PARP4: variants seen among roughly 807,000 people sequenced by gnomAD.
PARP4 encodes the protein poly(ADP-ribose) polymerase family member 4, also known as protein mono-ADP-ribosyltransferase PARP4.
A neutral mutation model predicts 187.7 loss-of-function variants in PARP4; 120 were observed. The observed-to-expected ratio is 0.64, with a 90% CI of 0.55 to 0.74. The LOEUF is 0.74. Among genes scored for constraint, PARP4 ranks in the 30% least tolerant of loss-of-function variants. PARP4 has a pLI of 0.00. For synonymous variants in PARP4, 654 were observed against 740.9 expected (o/e 0.88, Z 1.90); for missense variants, 1,836 against 2,070.5 (o/e 0.89, Z 2.20).
intron 3 of PARP4, 87 bp from the exon 4 acceptor site, chr13:24,500,469 C>A: frequency 2.5e-6 from 2 of 787,158 alleles, no homozygotes; most frequent in Non-Finnish European, 4.2e-6. Flanking sequence ...TGTTAAGATT[C>A]ATAAATATAT....
At chr13:24,511,287 C>T (rs1870008303) in intron 1 of PARP4, among the ~76,000 whole-genome samples, 1 of 152,130 alleles carries the variant, frequency 6.6e-6, no homozygotes, top group South Asian at 2.1e-4. Context: ...ACATGCGCCA[C>T]TAGTTCTTCC....
At chr13:24,442,713 T>C (rs1414678422) in intron 28 of PARP4, 28 bp from the exon 29 acceptor site, 2 of 1,248,904 alleles carry the variant, frequency 1.6e-6, no homozygotes, top group East Asian at 4.6e-5. Flanking sequence ...ATAAATCATG[T>C]CCTGTTTTAT....
rs1233823030 is a variant in PARP4 at position 24,455,614 on chromosome 13, CT to C, written c.2563-403del. Among the ~76,000 whole-genome samples, 812 of 116,284 alleles carry C rather than the reference CT, an allele frequency of 7.0e-3. 3 individuals are homozygous for C. The highest frequency in any genetic ancestry group is 0.02 in the African/African-American group (623 of 30,508). The allele number at this position is 116,284 out of a possible 152,430, so 76.3% of individuals were successfully genotyped here. A position where few individuals can be genotyped will look rare whatever the true frequency, so the allele number is the denominator to read the frequency against. On this transcript the variant is annotated intron_variant, in intron 21 of 33. Transcript: ENST00000381989. Reference sequence around the variant, plus strand: ...ATTTAACTACTATCATGTAAGTTTCCTTTTTTTTTTTTTTTTTTTTTGAGAC... The same window carrying C: ...ATTTAACTACTATCATGTAAGTTTCCTTTTTTTTTTTTTTTTTTTTGAGAC...
At chr13:24,512,494 C>T (rs1409658951) in intron 1 of PARP4, among the ~76,000 whole-genome samples, 2 of 152,180 alleles carry the variant, frequency 1.3e-5, no homozygotes, top group Admixed American at 6.5e-5. Flanking sequence ...GGCTGCGCCG[C>T]GGGGCAGAGC....
chr13:24,452,179 C>T (rs1414776806), intron 24 of PARP4: 2 of 444,642 alleles, frequency 4.5e-6, no homozygotes, highest in African/African-American at 2.0e-5. Flanking sequence ...CTTGGTTTTA[C>T]AGATGAGAGG....
intron 1 of PARP4, among the ~76,000 whole-genome samples, chr13:24,509,098 A>AT (rs538324193): frequency 3.2e-4 from 49 of 152,314 alleles, no homozygotes; most frequent in Admixed American, 5.9e-4. Context: ...AGTTTGAACA[A>AT]TTTTTTTGTG....
In PARP4 at chr13:24,494,580, A is replaced by C. The variant is rs374203108; in HGVS notation, c.734T>G (p.Leu245Trp). Residue 245 changes from leucine to tryptophan, a missense_variant, in exon 7 of 34, where the codon TTG (leucine) becomes TGG (tryptophan). This residue lies in a region of PARP4 where 1,147 missense variants were observed against 1,214.2 expected (regional missense o/e 0.94). Coordinates refer to ENST00000381989, the MANE Select transcript of PARP4 (RefSeq NM_006437.4). ...ATTATAAATCAATCTCACTGCTTGCAATTGTTCAGATGCTAATTGGGTTGC... is the reference window on the plus strand; with the variant it reads ...ATTATAAATCAATCTCACTGCTTGCCATTGTTCAGATGCTAATTGGGTTGC... The part of the protein sequence containing the change: ...PEATQLASEQ[L>W]QALLLEEVMN... The C allele has an allele frequency of 1.2e-6, 2 of 1,605,752 alleles. No individual in the cohort carries two copies. Among genetic ancestry groups the C allele is most frequent in the Non-Finnish European group, 1.7e-6 (2 of 1,177,306 alleles).
intron 27 of PARP4, among the ~76,000 whole-genome samples, chr13:24,446,129 A>G (rs1275908385): frequency 6.6e-6 from 1 of 152,242 alleles, no homozygotes; most frequent in Non-Finnish European, 1.5e-5. Context: ...ATTTCTAAAT[A>G]GCATCAGTAG....
rs201512318 is a variant in PARP4, at chr13:24,435,107, C to T, written c.4034G>A (p.Arg1345His). 64 of 1,614,058 alleles carry T rather than the reference C, an allele frequency of 4.0e-5. No homozygotes were observed. Among genetic ancestry groups the T allele is most frequent in the East Asian group, 8.9e-5 (4 of 44,872 alleles). ...AGCTGAACCGAAACTAGCTACCTGACGATATGAGGCAAAAGACAAGGAAGC... is the reference window on the plus strand; with the variant it reads ...AGCTGAACCGAAACTAGCTACCTGATGATATGAGGCAAAAGACAAGGAAGC... ...SPASLSFASY[R>H]QVASFGSAAP... Residue 1345 changes from arginine (R) to histidine (H), a missense_variant, in exon 31 of 34, where the codon CGT becomes CAT. Physicochemically the swap from Arg to His is conservative, Grantham distance 29. Coordinates refer to ENST00000381989, the MANE Select transcript of PARP4 (RefSeq NM_006437.4).
intron 33 of PARP4, among the ~76,000 whole-genome samples, chr13:24,423,484 T>C (rs1869850376): frequency 6.6e-6 from 1 of 151,500 alleles, no homozygotes; most frequent in Non-Finnish European, 1.5e-5. Context: ...TGAGCCGAGA[T>C]CGTGCCACTG....
chr13:24,454,884 CTTG>C, intron 22 of PARP4, 130 bp downstream of exon 22: 2 of 656,622 alleles, frequency 3.0e-6, no homozygotes, highest in Non-Finnish European at 4.9e-6. Context: ...CTCCAGAGCT[CTTG>C]TTCTTCAATT....
intron 20 of PARP4, among the ~76,000 whole-genome samples, chr13:24,458,489 G>A (rs897004427): frequency 2.2e-4 from 34 of 151,930 alleles, no homozygotes; most frequent in African/African-American, 8.2e-4. Context: ...AAGCAGGAGG[G>A]TTGTTTGATC....
chr13:24,434,940 A>C lies in PARP4; in HGVS notation c.4201T>G (p.Phe1401Val). 1 of 1,614,002 alleles carries C rather than the reference A, an allele frequency of 6.2e-7. No individual in the cohort carries two copies. Among genetic ancestry groups the C allele is most frequent in the Non-Finnish European group, 8.5e-7 (1 of 1,179,936 alleles). Reference protein sequence around the residue: ...PPSSPYCGIVFSGSSLSSAQS... With the variant: ...PPSSPYCGIVVSGSSLSSAQS... ...GCAGAGCTTAATGAGCTCCCTGAAA[A>C]AACAATGCCACAATAGGGTGAAGAA... The change falls in exon 31 of 34, where the codon TTT becomes GTT. Residue 1401 changes from phenylalanine (F) to valine (V), a missense_variant. Phe to Val is a conservative substitution (Grantham distance 50, BLOSUM62 -1). Transcript: ENST00000381989.
chr13:24,466,014 A>G (rs1213810962), intron 17 of PARP4, among the ~76,000 whole-genome samples: 1 of 152,186 alleles, frequency 6.6e-6, no homozygotes, highest in African/African-American at 2.4e-5. Flanking sequence ...GTGCTGACCA[A>G]TGTAACTTTC....
intron 12 of PARP4, among the ~76,000 whole-genome samples, chr13:24,483,886 C>G (rs1566013295): frequency 6.6e-6 from 1 of 152,212 alleles, no homozygotes; most frequent in East Asian, 1.9e-4. Context: ...CTTGGCCTCC[C>G]AAAGTGCTGG....
At chr13:24,483,170 A>ACACAATG (rs1363879642) in intron 12 of PARP4, among the ~76,000 whole-genome samples, 1 of 151,802 alleles carries the variant, frequency 6.6e-6, no homozygotes, top group African/African-American at 2.4e-5. Context: ...CAGGTGTGTG[A>ACACAATG]CACAATGCCT....
At chr13:24,488,654 C>G (rs952761257) in intron 10 of PARP4, among the ~76,000 whole-genome samples, 1 of 151,946 alleles carries the variant, frequency 6.6e-6, no homozygotes, top group Non-Finnish European at 1.5e-5. Context: ...ATGCCCGGCC[C>G]GGACTTTTTA....
chr13:24,426,337 C>T (rs1870047623), intron 33 of PARP4, 129 bp downstream of exon 33: 1 of 720,322 alleles, frequency 1.4e-6, no homozygotes, highest in Non-Finnish European at 2.2e-6. Context: ...CTGTCACCTG[C>T]AAACAAATTC....
At chr13:24,441,363 T>C (rs1870916427) in intron 30 of PARP4, among the ~76,000 whole-genome samples, 1 of 151,996 alleles carries the variant, frequency 6.6e-6, no homozygotes, top group Admixed American at 6.6e-5. Context: ...CCTAAGAGGG[T>C]TGTCAGCACT....
Sources: gnomAD v4.1 joint callset for allele counts (sites outside exome capture counted in the v4.1 genomes callset) on GRCh38, gnomAD v4.1.1 for gene constraint, gnomAD v4.1.1 regional missense constraint, MANE v1.5 for transcripts, NCBI Gene and HGNC (gene_info 2026-07-23, HGNC 2026-07-21) for gene names.